The following ADGRL1 variants were observed in gnomAD, a reference collection of about 807,000 sequenced individuals.
ADGRL1 encodes the protein adhesion G protein-coupled receptor L1, also known as CIRL-1.
ADGRL1 carries 31 observed loss-of-function variants against 148.9 expected under a neutral mutation model. The observed-to-expected ratio is 0.21, with a 90% CI of 0.16 to 0.28. ADGRL1 has a LOEUF of 0.28. Ranked by LOEUF, ADGRL1 falls within the 10% of genes least tolerant of loss-of-function variation. The pLI, the probability that ADGRL1 is intolerant of heterozygous loss-of-function variation, is 1.00. For synonymous variants in ADGRL1, 937 were observed against 900.3 expected, an observed-to-expected ratio of 1.04 and a Z score of -0.73; for missense variants, 1,521 against 2,058.8, an observed-to-expected ratio of 0.74 and a Z score of 5.05.
At chr19:14,182,392 C>T (rs768077027) in intron 2 of ADGRL1, among the ~76,000 whole-genome samples, 5 of 152,168 alleles carry the variant, frequency 3.3e-5, no homozygotes, top group Non-Finnish European at 7.3e-5. Flanking sequence ...AGCCAGGGAC[C>T]CAGATGCCCC....
chr19:14,175,258 TCACA>T (rs1242348966), intron 3 of ADGRL1, among the ~76,000 whole-genome samples: 3 of 152,076 alleles, frequency 2.0e-5, no homozygotes, highest in South Asian at 2.1e-4. Context: ...CCCTCCACGC[TCACA>T]CAATCACAAA....
chr19:14,180,319 G>A (rs1026081981), intron 2 of ADGRL1, among the ~76,000 whole-genome samples: 4 of 152,142 alleles, frequency 2.6e-5, no homozygotes, highest in Non-Finnish European at 4.4e-5. Context: ...GGAATGGCGC[G>A]ATCTCAGCTC....
intron 2 of ADGRL1, among the ~76,000 whole-genome samples, chr19:14,180,234 C>T (rs545792871): frequency 4.9e-4 from 74 of 152,160 alleles, no homozygotes; most frequent in African/African-American, 1.7e-3. Context: ...TTGGACTCTG[C>T]CCTATGCACC....
rs147166110 is a variant in ADGRL1, at chr19:14,204,272, G to T, written c.-96+1713C>A. 5.3e-5 allele frequency among the ~76,000 whole-genome samples: 8 copies of T among 152,220 alleles called. No homozygotes were observed. The East Asian group carries it at 1.5e-3, about 29-fold the overall frequency. ...AATAAATTTGGCATTAGTGGGAGGG[G>T]AGCAGGGAGGAAGGAGAAGTCACCT... On this transcript the variant is annotated intron_variant, in intron 1 of 22. Transcript: ENST00000361434.
intron 1 of ADGRL1, among the ~76,000 whole-genome samples, chr19:14,201,081 T>C (rs1485452837): frequency 6.6e-6 from 1 of 152,082 alleles, no homozygotes; most frequent in Non-Finnish European, 1.5e-5. Context: ...CTGAGCATCC[T>C]ATAGTACAGA....
intron 3 of ADGRL1, 83 bp downstream of exon 3, chr19:14,177,448 G>A (rs1024553233): frequency 3.1e-6 from 4 of 1,280,942 alleles, no homozygotes; most frequent in East Asian, 4.6e-5. Context: ...AAAAAAAGAT[G>A]TAAGGTGAAC....
chr19:14,156,881 G>A (rs369399540), intron 15 of ADGRL1, 44 bp downstream of exon 15: 25 of 1,595,248 alleles, frequency 1.6e-5, no homozygotes, highest in African/African-American at 2.7e-5. Flanking sequence ...CCGCCCAGCA[G>A]GGAACCAGGT....
At chr19:14,163,467 A>AGAGAGG in intron 4 of ADGRL1, 61 bp from the exon 5 acceptor site, 2 of 176,676 alleles carry the variant, frequency 1.1e-5, no homozygotes, top group East Asian at 2.3e-4. Flanking sequence ...GAGAGGGAGG[A>AGAGAGG]GAGAGAGAGA....
chr19:14,204,704 C>CAGAGAGAGAGAGAG (rs1568248291), intron 1 of ADGRL1, among the ~76,000 whole-genome samples: 1 of 107,630 alleles, frequency 9.3e-6, no homozygotes, highest in African/African-American at 4.5e-5. Context: ...TAGAGAAAGA[C>CAGAGAGAGAGAGAG]AGAGAGAGTG....
chr19:14,189,034 G>A (rs1971765416), intron 1 of ADGRL1, among the ~76,000 whole-genome samples: 2 of 152,126 alleles, frequency 1.3e-5, no homozygotes, highest in South Asian at 4.1e-4. Flanking sequence ...TTACAGGCAT[G>A]AGCCATCGTG....
rs759880611 is a variant in ADGRL1 at position 14,161,418 on chromosome 19, G to A, written c.1404C>T (p.His468=). 34 of 1,535,588 alleles carry A rather than the reference G, an allele frequency of 2.2e-5. No individual in the cohort carries two copies. Among genetic ancestry groups the A allele is most frequent in the East Asian group, 4.8e-5 (2 of 41,530 alleles). ...GCTCGCAGAAGAGCTCAGGGGACAC[G>A]TGTAGATTCGGGGCTGGGGGCCGCC... ...STRRPPAPNL[H]VSPELFCEPR... is the part of the protein sequence containing the mutation. The change falls in exon 6 of 23, where the codon CAC becomes CAT. Residue 468 remains histidine, a synonymous_variant. Transcript: ENST00000361434. This position sits in a 1 kb window ranked among gnomAD's most constrained non-coding sequence, Gnocchi z 4.4.
intron 3 of ADGRL1, among the ~76,000 whole-genome samples, chr19:14,172,022 A>G (rs1297574025): frequency 6.6e-6 from 1 of 152,226 alleles, no homozygotes; most frequent in Non-Finnish European, 1.5e-5. Context: ...ACACAGGCAG[A>G]CACTTGAGAA....
chr19:14,177,755 G>A lies in ADGRL1; in HGVS notation c.71-11C>T, dbSNP rs750343092. 1 of 1,605,038 alleles carries A rather than the reference G, an allele frequency of 6.2e-7. No homozygotes were observed. The highest frequency in any genetic ancestry group is 8.5e-7 in the Non-Finnish European group (1 of 1,177,168). ...CGGCCCGGCTCAGGCCTGCAGGGAG[G>A]GTTGGGGATGGTGTCACTCCTGGGC... is the stretch of plus-strand genomic sequence containing the variant. On this transcript the variant is annotated splice_polypyrimidine_tract_variant and intron_variant, in intron 2 of 22. Coordinates refer to ENST00000361434, the MANE Select transcript of ADGRL1 (RefSeq NM_014921.5).
In ADGRL1 at chr19:14,163,672, T is replaced by C. The variant is rs550604216; in HGVS notation, c.395-266A>G. On this transcript the variant is annotated intron_variant, in intron 4 of 22. Transcript: ENST00000361434. ...CCCCTCTCCCTGGAAATGTGAACCC[T>C]GAAGGCCATTAAGAGCGGGGTTAGT... Among the ~76,000 whole-genome samples, 479 of 151,976 alleles carry C rather than the reference T, an allele frequency of 3.2e-3. 3 individuals carry two copies. Among genetic ancestry groups the C allele is most frequent in the African/African-American group, 0.011 (452 of 41,436 alleles).
chr19:14,197,054 C>T (rs1972305336), intron 1 of ADGRL1, among the ~76,000 whole-genome samples: 1 of 152,120 alleles, frequency 6.6e-6, no homozygotes, highest in Admixed American at 6.6e-5. Context: ...TGCAGAATTG[C>T]TTGTGTCCAG....
rs372129747 is a variant in ADGRL1, at chr19:14,160,152, C to T, written c.1760G>A (p.Arg587Gln). 6.9e-6 allele frequency: 11 copies of T among 1,594,466 alleles called. No homozygotes were observed. The highest frequency in any genetic ancestry group is 8.6e-6 in the Non-Finnish European group (10 of 1,164,264). The change falls in exon 8 of 23, where the codon CGG becomes CAG. Residue 587 changes from arginine (R) to glutamine (Q), a missense_variant. Coordinates refer to ENST00000361434, the MANE Select transcript of ADGRL1 (RefSeq NM_014921.5). This position sits in a 1 kb window ranked among gnomAD's most constrained non-coding sequence, Gnocchi z 5.9. The stretch of plus-strand genomic sequence containing the variant: ...GCCGGCTGACTCGCGCTCGATGGGC[C>T]GCAGGGCCTGCAGCTGGGCATCCAG... Reference protein sequence around the residue: ...DILDAQLQALRPIERESAGKN... With the variant: ...DILDAQLQALQPIERESAGKN...
rs1406750730 is a variant in ADGRL1 at position 14,147,972 on chromosome 19, G to C, written c.*2901C>G. 2 of 152,518 alleles carry C rather than the reference G, an allele frequency of 1.3e-5. No homozygotes were observed. The highest frequency in any genetic ancestry group is 2.9e-5 in the Non-Finnish European group (2 of 68,076). The allele number at this position is 152,518 out of a possible 1,614,324, so 9.4% of individuals were successfully genotyped here. On this transcript the variant is annotated 3_prime_UTR_variant, in exon 23 of 23. Coordinates refer to ENST00000361434, the MANE Select transcript of ADGRL1 (RefSeq NM_014921.5). ...CGAATGGACAGAAAGTTGAGGATAA[G>C]AGAAGAGGAACATAGAGACAGCCAG...
chr19:14,191,801 T>G (rs182327309), intron 1 of ADGRL1, among the ~76,000 whole-genome samples: 34 of 151,716 alleles, frequency 2.2e-4, no homozygotes, highest in Non-Finnish European at 3.5e-4. Flanking sequence ...GCTCATGGGA[T>G]CCTCCCGCCT....
chr19:14,183,364 GGT>G (rs1462001594), intron 2 of ADGRL1, among the ~76,000 whole-genome samples, 167 bp downstream of exon 2: 2 of 152,172 alleles, frequency 1.3e-5, no homozygotes, highest in Non-Finnish European at 1.5e-5. Flanking sequence ...GTGGCACTGG[GGT>G]GTGTGTTACC....
Sources: gnomAD v4.1 joint callset for allele counts (sites outside exome capture counted in the v4.1 genomes callset) on GRCh38, gnomAD v4.1.1 for gene constraint, Gnocchi (gnomAD v3.1) non-coding constraint, MANE v1.5 for transcripts, NCBI Gene and HGNC (gene_info 2026-07-23, HGNC 2026-07-21) for gene names.